The following GREB1 variants were observed in gnomAD, a reference collection of about 807,000 sequenced individuals.
The protein encoded by GREB1 is protein GREB1.
A neutral mutation model predicts 200.7 loss-of-function variants in GREB1; 106 were observed. The observed-to-expected ratio is 0.53, with a 90% CI of 0.45 to 0.62. The LOEUF is 0.62. Ranked by LOEUF, GREB1 falls within the 20% of genes least tolerant of loss-of-function variation. GREB1 has a pLI of 0.00. For synonymous variants in GREB1, 1,132 were observed against 1,092.4 expected, an observed-to-expected ratio of 1.04 and a Z score of -0.72; for missense variants, 2,243 against 2,556.8, an observed-to-expected ratio of 0.88 and a Z score of 2.65.
chr2:11,590,977 A>G (rs1001264354), intron 10 of GREB1, among the ~76,000 whole-genome samples: 1 of 152,172 alleles, frequency 6.6e-6, no homozygotes, highest in African/African-American at 2.4e-5. Context: ...GCGGCTGGCA[A>G]CCTTGATGAT....
chr2:11,523,727 C>G (rs1252741471), intron 1 of GREB1, among the ~76,000 whole-genome samples: 1 of 152,202 alleles, frequency 6.6e-6, no homozygotes. Flanking sequence ...TCTTTCTGAT[C>G]AGTCTCCTTC....
chr2:11,617,000 G>T (rs1683462373), intron 21 of GREB1, among the ~76,000 whole-genome samples: 1 of 152,196 alleles, frequency 6.6e-6, no homozygotes, highest in South Asian at 2.1e-4. Context: ...GGGGCCTCAG[G>T]CTGAGTCCTG....
At chr2:11,564,717 G>C (rs1375491585) in intron 3 of GREB1, among the ~76,000 whole-genome samples, 1 of 152,192 alleles carries the variant, frequency 6.6e-6, no homozygotes, top group Admixed American at 6.5e-5. Context: ...TCAGGGAATT[G>C]ACCTCCCTTT....
intron 25 of GREB1, among the ~76,000 whole-genome samples, chr2:11,628,776 A>G (rs1342106226): frequency 1.3e-5 from 2 of 152,140 alleles, no homozygotes; most frequent in African/African-American, 2.4e-5. Flanking sequence ...GGCTGCATCA[A>G]CAGACACCAG....
chr2:11,489,093 T>TA (rs778267372), intron 1 of GREB1, among the ~76,000 whole-genome samples: 2 of 152,110 alleles, frequency 1.3e-5, no homozygotes, highest in African/African-American at 2.4e-5. Flanking sequence ...TTAGGGAACT[T>TA]ATGAAACTCT....
chr2:11,540,971 G>C (rs1674691445), intron 1 of GREB1, among the ~76,000 whole-genome samples: 1 of 152,228 alleles, frequency 6.6e-6, no homozygotes, highest in African/African-American at 2.4e-5. Flanking sequence ...CTCACCAGAA[G>C]TAAGTCACCA....
intron 1 of GREB1, among the ~76,000 whole-genome samples, chr2:11,499,830 G>A (rs767972881): frequency 6.6e-6 from 1 of 152,090 alleles, no homozygotes; most frequent in Non-Finnish European, 1.5e-5. Context: ...GGTCTGCTAG[G>A]AACCTGTACC....
intron 1 of GREB1, among the ~76,000 whole-genome samples, chr2:11,546,943 C>CTTTTT (rs386354826): frequency 8.1e-6 from 1 of 123,498 alleles, no homozygotes; most frequent in Non-Finnish European, 1.7e-5. Context: ...CTAGTTTAAA[C>CTTTTT]TTTTTTTTTT....
At chr2:11,557,364 A>G (rs1414004551) in intron 2 of GREB1, among the ~76,000 whole-genome samples, 2 of 152,224 alleles carry the variant, frequency 1.3e-5, no homozygotes, top group Non-Finnish European at 2.9e-5. Context: ...GATCCATAGT[A>G]TGAGATAGCT....
intron 4 of GREB1, among the ~76,000 whole-genome samples, chr2:11,568,439 CTT>C (rs1479039036): frequency 6.6e-6 from 1 of 152,238 alleles, no homozygotes; most frequent in Non-Finnish European, 1.5e-5. Context: ...TTGGCCAACT[CTT>C]TTGAGGCAGG....
At chr2:11,630,212 T>TA in intron 26 of GREB1, 103 bp downstream of exon 26, 1 of 1,105,218 alleles carries the variant, frequency 9.0e-7, no homozygotes, top group Admixed American at 2.3e-5. Flanking sequence ...CAGACACCGA[T>TA]ACAGGGACTG....
At chr2:11,547,782 A>T (rs2147793550) in intron 1 of GREB1, among the ~76,000 whole-genome samples, 1 of 152,230 alleles carries the variant, frequency 6.6e-6, no homozygotes, top group East Asian at 1.9e-4. Context: ...TTATTTCCAA[A>T]TAACAACTGG....
At chr2:11,578,465 C>T (rs1529868) in intron 6 of GREB1, 34 bp downstream of exon 6, 943,225 of 1,606,098 alleles carry the variant, frequency 0.59, 278,897 homozygotes, top group Non-Finnish European at 0.6. Context: ...AGCTGCTAAA[C>T]CCACAGAGCT....
chr2:11,493,065 G>A lies in GREB1; in HGVS notation c.-159+10684G>A, dbSNP rs373842545. 3.9e-4 allele frequency among the ~76,000 whole-genome samples: 60 copies of A among 152,292 alleles called. No individual in the cohort carries two copies. In the South Asian group the frequency reaches 0.012, roughly 31 times the overall value. ...AGCAATTGTCCCAAGATGATTGATC[G>A]TACAAACCTATCAATGAAGACACCT... is the stretch of plus-strand genomic sequence containing the variant. On this transcript the variant is annotated intron_variant, in intron 1 of 2. Coordinates refer to the GREB1 transcript ENST00000628795. The surrounding 1 kb of genome is among the most constrained non-coding windows in gnomAD (Gnocchi z 4.6).
intron 1 of GREB1, among the ~76,000 whole-genome samples, chr2:11,499,340 A>C (rs1347950066): frequency 6.6e-6 from 1 of 152,188 alleles, no homozygotes; most frequent in South Asian, 2.1e-4. Flanking sequence ...GGCTGCAGCC[A>C]GTGCTACGAG....
chr2:11,628,511 A>C (rs955311417), intron 25 of GREB1, among the ~76,000 whole-genome samples: 1 of 152,188 alleles, frequency 6.6e-6, no homozygotes, highest in Non-Finnish European at 1.5e-5. Context: ...TGAGTGTGCA[A>C]TTGTACTGTA....
chr2:11,570,356 T>C (rs1678135916), intron 4 of GREB1, among the ~76,000 whole-genome samples: 1 of 146,776 alleles, frequency 6.8e-6, no homozygotes, highest in Non-Finnish European at 1.5e-5. Context: ...TGAGCTGAGA[T>C]GAAGCCATTT....
chr2:11,626,808 C>T (rs116273737), intron 24 of GREB1, among the ~76,000 whole-genome samples, 154 bp from the exon 25 acceptor site: 183 of 152,270 alleles, frequency 1.2e-3, no homozygotes, highest in African/African-American at 4.2e-3. Flanking sequence ...CCAGCTGTCA[C>T]GTCAGGGCCC....
At chr2:11,604,534 C>A (rs1682078620) in intron 17 of GREB1, among the ~76,000 whole-genome samples, 1 of 152,184 alleles carries the variant, frequency 6.6e-6, no homozygotes, top group South Asian at 2.1e-4. Context: ...GAGATTAAAT[C>A]TTATGTCTCA....
Sources: gnomAD v4.1 joint callset for allele counts (sites outside exome capture counted in the v4.1 genomes callset) on GRCh38, gnomAD v4.1.1 for gene constraint, Gnocchi (gnomAD v3.1) non-coding constraint, MANE v1.5 for transcripts, NCBI Gene and HGNC (gene_info 2026-07-23, HGNC 2026-07-21) for gene names.